Variants in ENOSF1 observed in about 807,000 individuals in gnomAD.
ENOSF1 encodes mitochondrial enolase superfamily member 1.
A neutral mutation model predicts 68.2 loss-of-function variants in ENOSF1; 73 were observed. That is an observed-to-expected ratio of 1.07 (90% CI 0.89 to 1.30). The LOEUF (loss-of-function observed/expected upper bound fraction) is 1.30, where lower values mean the gene tolerates loss of function less well. Ranked by LOEUF, ENOSF1 falls within the 50% of genes most tolerant of loss-of-function variation. The pLI, the probability that ENOSF1 is intolerant of heterozygous loss-of-function variation, is 0.00. For synonymous variants in ENOSF1, 223 were observed against 210.4 expected (o/e 1.06, Z -0.52); for missense variants, 589 against 554.5 (o/e 1.06, Z -0.62).
At chr18:692,922 G>A (rs1167342990) in intron 5 of ENOSF1, 1 of 1,176,818 alleles carries the variant, frequency 8.5e-7, no homozygotes, top group Non-Finnish European at 1.1e-6. Flanking sequence ...TCAAGGCCAT[G>A]GTGTTCTTTG....
chr18:697,299 T>C lies in ENOSF1; in HGVS notation c.250A>G (p.Ile84Val), dbSNP rs753811305. 2.5e-6 allele frequency: 4 copies of C among 1,613,868 alleles called. No homozygotes were observed. Among genetic ancestry groups the C allele is most frequent in the East Asian group, 2.2e-5 (1 of 44,894 alleles). ...HHVLNKDLKDIVGDFRGFYRQ... is the reference protein window; with the variant it reads ...HHVLNKDLKDVVGDFRGFYRQ... Reference sequence around the variant, plus strand: ...TAGAAGCCTCTGAAGTCACCAACAATGTCCTTGAGGTCCTTGTTGAGCACA... The same window carrying C: ...TAGAAGCCTCTGAAGTCACCAACAACGTCCTTGAGGTCCTTGTTGAGCACA... Residue 84 changes from isoleucine to valine, a missense_variant, in exon 3 of 16, where the codon ATT becomes GTT. Transcript: ENST00000647584.
chr18:674,140 A>G lies in ENOSF1; in HGVS notation c.*165T>C, dbSNP rs2075227663. On this transcript the variant is annotated 3_prime_UTR_variant, in exon 16 of 16. Coordinates refer to ENST00000647584, the MANE Select transcript of ENOSF1 (RefSeq NM_017512.7). Reference sequence around the variant, plus strand: ...TAGGATAACGTGCATTGATTTGCTAAAAGAATCAAGTAATAATTACTTAGC... The same window carrying G: ...TAGGATAACGTGCATTGATTTGCTAGAAGAATCAAGTAATAATTACTTAGC... 1.7e-6 allele frequency: 1 copy of G among 590,680 alleles called. No homozygotes were observed. The highest frequency in any genetic ancestry group is 3.0e-6 in the Non-Finnish European group (1 of 334,140). 36.6% of individuals were successfully genotyped at this position (590,680 alleles called of 1,614,324 possible).
intron 11 of ENOSF1, among the ~76,000 whole-genome samples, chr18:680,909 G>A (rs962505412): frequency 9.3e-5 from 14 of 150,926 alleles, no homozygotes; most frequent in Admixed American, 1.3e-4. Context: ...GCAGTGGTGC[G>A]ATTTTGGCTC....
In ENOSF1 at chr18:691,237, T is replaced by C. The variant is rs766471909; in HGVS notation, c.463A>G (p.Ile155Val). The change falls in exon 6 of 16, where the codon ATC becomes GTC. Residue 155 changes from isoleucine to valine, a missense_variant. Ile to Val is a conservative substitution (Grantham distance 29). Transcript: ENST00000647584. ...TCCTCCTCAGTCAGGACATCAGTGA[T>C]GTACCTGAAATCTATGCAGGATACC... ...MLVSCIDFRY[I>V]TDVLTEEDAL... The C allele has an allele frequency of 7.4e-6, 12 of 1,614,080 alleles. No homozygotes were observed. The highest frequency in any genetic ancestry group is 8.5e-6 in the Non-Finnish European group (10 of 1,180,030).
chr18:712,282 G>T, intron 1 of ENOSF1: 5 of 1,530,124 alleles, frequency 3.3e-6, no homozygotes, highest in East Asian at 2.5e-5. Flanking sequence ...CAATGGGTTC[G>T]AAGTCGGGAA....
chr18:700,609 G>A (rs150502549), intron 2 of ENOSF1, among the ~76,000 whole-genome samples: 2 of 152,280 alleles, frequency 1.3e-5, no homozygotes, highest in African/African-American at 4.8e-5. Flanking sequence ...GTGAGGCCAG[G>A]CACGGTGGCT....
At position 691,232 on chromosome 18, in the gene ENOSF1, A is replaced by G. The variant is rs960855728; in HGVS notation, c.468T>C (p.Thr156=). ...GGGCATCCTCCTCAGTCAGGACATC[A>G]GTGATGTACCTGAAATCTATGCAGG... The part of the protein sequence containing the change: ...LVSCIDFRYI[T]DVLTEEDALE... The change falls in exon 6 of 16, where the codon ACT becomes ACC. Residue 156 remains threonine (T), a synonymous_variant. Transcript: ENST00000647584. The G allele has an allele frequency of 3.7e-6, 6 of 1,614,098 alleles. No homozygotes were observed. In the African/African-American group the frequency reaches 5.3e-5, roughly 14 times the overall value.
intron 13 of ENOSF1, 65 bp downstream of exon 13, chr18:677,675 CCAT>C (rs2075651264): frequency 1.3e-6 from 2 of 1,549,872 alleles, no homozygotes; most frequent in Admixed American, 2.0e-5. Flanking sequence ...GAATTGCAAA[CCAT>C]CAAGGGAGGT....
intron 1 of ENOSF1, chr18:706,813 ATATT>A: frequency 2.0e-5 from 2 of 99,272 alleles, no homozygotes; most frequent in Non-Finnish European, 3.9e-5. Flanking sequence ...ATATATATAT[ATATT>A]TTTTTTTTTT....
In ENOSF1 at chr18:686,649, C is replaced by G. The variant is rs559469210; in HGVS notation, c.654-641G>C. The G allele has an allele frequency of 2.0e-5, 3 of 152,510 alleles. No homozygotes were observed. In the East Asian group the frequency reaches 5.8e-4, roughly 30 times the overall value. The allele number at this position is 152,510 out of a possible 1,614,324, so 9.4% of individuals were successfully genotyped here. On this transcript the variant is annotated intron_variant, in intron 9 of 15. Coordinates refer to ENST00000647584, the MANE Select transcript of ENOSF1 (RefSeq NM_017512.7). ...AGCTGTTCTCTTGAGACATGGGCCT[C>G]TATGTCCACACCCTATGACTCTGCT...
At chr18:667,620 T>TGATGGTGATGGAGATGGA, downstream of ENOSF1, 1 of 129,166 alleles carries the variant, frequency 7.7e-6, no homozygotes, top group Non-Finnish European at 1.5e-5. Flanking sequence ...TGGAGATGGG[T>TGATGGTGATGGAGATGGA]GATGGTGATG....
chr18:685,772 T>C, intron 10 of ENOSF1, 149 bp downstream of exon 10: 1 of 645,872 alleles, frequency 1.5e-6, no homozygotes, highest in East Asian at 2.7e-5. Context: ...TGCTTATTTT[T>C]GTTTGAGCTC....
In ENOSF1 at chr18:675,404, T is replaced by C; in HGVS notation, c.1149-2A>G. 1 of 1,611,810 alleles carries C rather than the reference T, an allele frequency of 6.2e-7. No individual in the cohort carries two copies. The highest frequency in any genetic ancestry group is 8.5e-7 in the Non-Finnish European group (1 of 1,179,194). On this transcript the variant is annotated splice_acceptor_variant, in intron 14 of 15. Coordinates refer to ENST00000647584, the MANE Select transcript of ENOSF1 (RefSeq NM_017512.7). LOFTEE classifies it high-confidence loss of function. ...AGGTGGTCAACATACTCACACACCC[T>C]AGGAGGAGGGAATCAGATCGGGGCA...
rs1396257342 is a variant in ENOSF1, at chr18:674,115, T to C, written c.*190A>G. On this transcript the variant is annotated 3_prime_UTR_variant, in exon 16 of 16. Transcript: ENST00000647584. ...AATCTAAACTTATTTAAGGATTAAG[T>C]AGGATAACGTGCATTGATTTGCTAA... The C allele has an allele frequency of 2.0e-6, 1 of 511,352 alleles. No individual in the cohort carries two copies. Among genetic ancestry groups the C allele is most frequent in the Non-Finnish European group, 3.5e-6 (1 of 289,642 alleles). The allele number at this position is 511,352 out of a possible 1,614,324, so 31.7% of individuals were successfully genotyped here.
At chr18:683,085 G>T in intron 11 of ENOSF1, 161 bp downstream of exon 11, 1 of 824,362 alleles carries the variant, frequency 1.2e-6, no homozygotes, top group Non-Finnish European at 1.9e-6. Flanking sequence ...AGGAATGTCA[G>T]GTCTGTAACC....
downstream of ENOSF1, among the ~76,000 whole-genome samples, chr18:667,547 T>A (rs868287199): frequency 4.7e-3 from 208 of 43,934 alleles, 19 homozygotes; most frequent in Middle Eastern, 0.017. Context: ...ATGGTGATGG[T>A]GATGGAGATG....
downstream of ENOSF1, among the ~76,000 whole-genome samples, chr18:667,559 T>TGATGG (rs1567990965): frequency 1.5e-5 from 1 of 66,342 alleles, no homozygotes; most frequent in African/African-American, 1.1e-4. Flanking sequence ...ATGGAGATGG[T>TGATGG]GATGGTGATG....
chr18:712,274 A>C (rs1348058397), intron 1 of ENOSF1: 154 of 1,529,310 alleles, frequency 1.0e-4, no homozygotes, highest in East Asian at 3.2e-4. Flanking sequence ...TACAGAAGCA[A>C]TGGGTTCGAA....
At chr18:712,276 G>A in intron 1 of ENOSF1, 6 of 1,529,916 alleles carry the variant, frequency 3.9e-6, no homozygotes, top group East Asian at 2.5e-5. Context: ...CAGAAGCAAT[G>A]GGTTCGAAGT....
Sources: gnomAD v4.1 joint callset for allele counts (sites outside exome capture counted in the v4.1 genomes callset) on GRCh38, gnomAD v4.1.1 for gene constraint, MANE v1.5 for transcripts, NCBI Gene and HGNC (gene_info 2026-07-23, HGNC 2026-07-21) for gene names.